The following CSMD1 variants were observed in gnomAD, a reference collection of about 807,000 sequenced individuals.
CSMD1 encodes CUB and sushi domain-containing protein 1.
Under a neutral mutation model 417.5 loss-of-function variants are expected in CSMD1, and 213 were observed. The observed-to-expected ratio is 0.51, with a 90% CI of 0.46 to 0.57. CSMD1 has a LOEUF of 0.57. Ranked by LOEUF, CSMD1 falls within the 20% of genes least tolerant of loss-of-function variation. CSMD1 has a pLI of 0.00. For synonymous variants in CSMD1, 2,862 were observed against 1,736.8 expected, an observed-to-expected ratio of 1.65 and a Z score of -16.11; for missense variants, 6,923 against 4,529.7, an observed-to-expected ratio of 1.53 and a Z score of -15.17.
chr8:4,025,346 G>C (rs7812972), intron 4 of CSMD1, among the ~76,000 whole-genome samples: 1 of 152,004 alleles, frequency 6.6e-6, no homozygotes, highest in African/African-American at 2.4e-5. Context: ...ACCTTGTTTT[G>C]CATTTGATCC....
intron 22 of CSMD1, among the ~76,000 whole-genome samples, chr8:3,344,682 G>A (rs1250891804): frequency 6.6e-6 from 1 of 152,114 alleles, no homozygotes; most frequent in African/African-American, 2.4e-5. Flanking sequence ...CTTCCAATGT[G>A]TTTGTCTATT....
intron 39 of CSMD1, among the ~76,000 whole-genome samples, chr8:3,155,271 C>A (rs74687250): frequency 0.011 from 1,703 of 150,266 alleles, 38 homozygotes; most frequent in African/African-American, 0.039. Context: ...AATAAATAGG[C>A]AGATTGATGT....
At chr8:4,980,676 G>T (rs1810840266) in intron 1 of CSMD1, among the ~76,000 whole-genome samples, 1 of 152,194 alleles carries the variant, frequency 6.6e-6, no homozygotes, top group Non-Finnish European at 1.5e-5. Flanking sequence ...GCCAAAGTTG[G>T]TGGATCACTT....
chr8:3,162,560 C>T (rs577401925), intron 37 of CSMD1, among the ~76,000 whole-genome samples: 2 of 152,218 alleles, frequency 1.3e-5, no homozygotes, highest in African/African-American at 4.8e-5. Flanking sequence ...AAGATCCCAA[C>T]TTCAATATAT....
intron 1 of CSMD1, among the ~76,000 whole-genome samples, chr8:4,948,082 AT>A (rs140330568): frequency 0.12 from 18,335 of 151,310 alleles, 2,489 homozygotes; most frequent in African/African-American, 0.34. Context: ...AAGAACATTA[AT>A]TTTTTTTTAA....
At chr8:4,972,139 C>G (rs1367262127) in intron 1 of CSMD1, among the ~76,000 whole-genome samples, 1 of 151,976 alleles carries the variant, frequency 6.6e-6, no homozygotes, top group East Asian at 1.9e-4. Context: ...ATACGCTGCC[C>G]CTGTAGGTAG....
At chr8:3,468,086 C>G (rs1816881545) in intron 12 of CSMD1, among the ~76,000 whole-genome samples, 2 of 152,130 alleles carry the variant, frequency 1.3e-5, no homozygotes, top group African/African-American at 2.4e-5. Context: ...AAGATCACAA[C>G]TATATAGACA....
chr8:3,476,180 C>A (rs1030020508), intron 11 of CSMD1, among the ~76,000 whole-genome samples: 5 of 152,102 alleles, frequency 3.3e-5, no homozygotes, highest in African/African-American at 1.2e-4. Context: ...TTGGCTCAAC[C>A]AAAATACAAA....
intron 3 of CSMD1, among the ~76,000 whole-genome samples, chr8:4,267,990 T>A (rs1209571578): frequency 6.6e-6 from 1 of 152,100 alleles, no homozygotes. Flanking sequence ...ACAAGTGAGA[T>A]GGTGGAGGGG....
intron 2 of CSMD1, among the ~76,000 whole-genome samples, chr8:4,467,526 T>C (rs1800255781): frequency 6.6e-6 from 1 of 152,230 alleles, no homozygotes; most frequent in Non-Finnish European, 1.5e-5. Context: ...ACAACTTTTT[T>C]CTTTACTTAG....
At chr8:4,764,895 C>CAAAACAAAACCAAAAAA (rs763804321) in intron 1 of CSMD1, among the ~76,000 whole-genome samples, 1 of 30,572 alleles carries the variant, frequency 3.3e-5, no homozygotes, top group South Asian at 1.4e-3. Flanking sequence ...AAAAAAAAAA[C>CAAAACAAAACCAAAAAA]AACAACAACA....
At chr8:4,249,739 G>A (rs896076193) in intron 3 of CSMD1, among the ~76,000 whole-genome samples, 1 of 152,146 alleles carries the variant, frequency 6.6e-6, no homozygotes, top group African/African-American at 2.4e-5. Context: ...GCTCAGTACT[G>A]GAGAACAAAG....
At chr8:4,347,661 C>T (rs572335810) in intron 3 of CSMD1, among the ~76,000 whole-genome samples, 84 of 152,280 alleles carry the variant, frequency 5.5e-4, no homozygotes, top group African/African-American at 2.0e-3. Context: ...AATTTCACAT[C>T]AGTATGCAAT....
intron 5 of CSMD1, among the ~76,000 whole-genome samples, chr8:3,786,072 G>C (rs1483070879): frequency 6.6e-6 from 1 of 152,092 alleles, no homozygotes; most frequent in Non-Finnish European, 1.5e-5. Flanking sequence ...AGAATGAGCA[G>C]GCCTCATTGA....
intron 26 of CSMD1, among the ~76,000 whole-genome samples, chr8:3,259,236 T>G (rs934539196): frequency 6.6e-6 from 1 of 152,246 alleles, no homozygotes; most frequent in East Asian, 1.9e-4. Context: ...TTTTCTAAAA[T>G]TAATAACCTG....
In CSMD1 at chr8:3,929,824, G is replaced by C. The variant is rs965077691; in HGVS notation, c.818+68079C>G. On this transcript the variant is annotated intron_variant, in intron 5 of 69. Transcript: ENST00000635120. The stretch of plus-strand genomic sequence containing the variant: ...CTACAGGCACATGCCACCATGCCTG[G>C]CTAATTTTTGTGTTTTTAGTAGAGA... Among the ~76,000 whole-genome samples the C allele has an allele frequency of 4.0e-5, 6 of 149,400 alleles. 2 individuals are homozygous for C. Among genetic ancestry groups the C allele is most frequent in the Admixed American group, 2.0e-4 (3 of 15,008 alleles).
At chr8:3,379,792 A>G (rs1810521488) in intron 18 of CSMD1, among the ~76,000 whole-genome samples, 1 of 152,218 alleles carries the variant, frequency 6.6e-6, no homozygotes, top group South Asian at 2.1e-4. Context: ...AACCATAAAA[A>G]CCCTAGAAGA....
rs539240991 is a variant in CSMD1, at chr8:4,150,997, G to T, written c.416-118898C>A. Among the ~76,000 whole-genome samples, 62 of 152,232 alleles carry T rather than the reference G, an allele frequency of 4.1e-4. No homozygotes were observed. The South Asian group carries it at 9.9e-3, about 24-fold the overall frequency. On this transcript the variant is annotated intron_variant, in intron 3 of 69. Coordinates refer to ENST00000635120, the MANE Select transcript of CSMD1 (RefSeq NM_033225.6). ...ATACAGGACTAGACATTATTTTGGAGAAATGATGCAAGAGAAATTGTGTCC... is the reference window on the plus strand; with the variant it reads ...ATACAGGACTAGACATTATTTTGGATAAATGATGCAAGAGAAATTGTGTCC...
chr8:4,197,167 G>C (rs1009988928), intron 3 of CSMD1, among the ~76,000 whole-genome samples: 1 of 152,142 alleles, frequency 6.6e-6, no homozygotes, highest in East Asian at 1.9e-4. Flanking sequence ...GTTCTCCTAC[G>C]GTCAAAAAAT....
Sources: gnomAD v4.1 joint callset for allele counts (sites outside exome capture counted in the v4.1 genomes callset) on GRCh38, gnomAD v4.1.1 for gene constraint, MANE v1.5 for transcripts, NCBI Gene and HGNC (gene_info 2026-07-23, HGNC 2026-07-21) for gene names.